PCDHGA8: variants seen among roughly 807,000 people sequenced by gnomAD.
PCDHGA8 encodes protocadherin gamma subfamily A, 8, also known as protocadherin gamma-A8.
In PCDHGA8, 45 loss-of-function variants were observed where a neutral mutation model predicts 59.2. That is an observed-to-expected ratio of 0.76 (90% confidence interval 0.60 to 0.98). The LOEUF (loss-of-function observed/expected upper bound fraction) is 0.98. PCDHGA8 is among the 50% of genes least tolerant of loss of function. The pLI, the probability that PCDHGA8 is intolerant of heterozygous loss-of-function variation, is 0.00. For synonymous variants in PCDHGA8, 531 were observed against 519.0 expected (o/e 1.02, Z -0.32); for missense variants, 1,257 against 1,196.2 (o/e 1.05, Z -0.75).
rs1210429084 is a variant in PCDHGA8 at position 141,487,045 on chromosome 5, T to C, written c.2425-7762T>C. 2 of 1,614,088 alleles carry C rather than the reference T, an allele frequency of 1.2e-6. No individual in the cohort carries two copies. Among genetic ancestry groups the C allele is most frequent in the Non-Finnish European group, 1.7e-6 (2 of 1,180,036 alleles). On this transcript the variant is annotated intron_variant, in intron 1 of 3. Coordinates refer to ENST00000398604, the MANE Select transcript of PCDHGA8 (RefSeq NM_032088.2). This position sits in a 1 kb window ranked among gnomAD's most constrained non-coding sequence, Gnocchi z 5.0. ...CCAGCCTGTTTGCAGTCTCTCGATA[T>C]GCTGGGGAGGTGCGGACGGCTGTTC...
intron 3 of PCDHGA8, among the ~76,000 whole-genome samples, chr5:141,510,511 T>C (rs2099881465): frequency 6.6e-6 from 1 of 152,142 alleles, no homozygotes; most frequent in Non-Finnish European, 1.5e-5. Context: ...TGAGAGCCCG[T>C]GTCACAGCCC....
At chr5:141,453,087 T>G (rs2098755775) in intron 1 of PCDHGA8, among the ~76,000 whole-genome samples, 1 of 152,150 alleles carries the variant, frequency 6.6e-6, no homozygotes, top group Non-Finnish European at 1.5e-5. Context: ...TTGATTAGTA[T>G]ATTTTCTGTT....
Position 141,393,093 on chromosome 5 carries a change from G to T in PCDHGA8, c.280G>T (p.Glu94Ter). The change falls in exon 1 of 4, where the codon GAG becomes TAG. Residue 94 changes from glutamate to a stop codon, truncating the protein, a stop_gained. Transcript: ENST00000398604. LOFTEE classifies it high-confidence loss of function. ...CACCGCGGGCAGGATAGATCGGGAG[G>T]AGCTCTGCGCTCAGAGCCCGCGGTG... ...LITAGRIDRE[E>*]LCAQSPRCLI... is the part of the protein sequence containing the mutation. 4 of 1,613,620 alleles carry T rather than the reference G, an allele frequency of 2.5e-6. No homozygotes were observed. Among genetic ancestry groups the T allele is most frequent in the Non-Finnish European group, 3.4e-6 (4 of 1,179,906 alleles).
rs752402965 is a variant in PCDHGA8, at chr5:141,491,400, C to G, written c.2425-3407C>G. The G allele has an allele frequency of 2.7e-5, 44 of 1,613,990 alleles. No individual in the cohort carries two copies. The highest frequency in any genetic ancestry group is 3.5e-5 in the Non-Finnish European group (41 of 1,179,996). On this transcript the variant is annotated intron_variant, in intron 1 of 3. Coordinates refer to ENST00000398604, the MANE Select transcript of PCDHGA8 (RefSeq NM_032088.2). The surrounding 1 kb of genome is among the most constrained non-coding windows in gnomAD (Gnocchi z 6.9). ...TGTCAGCGAAGTGCCTTCAGGGAAA[C>G]GCAGACGGGGACGGGGGTGGAGGGC... is the stretch of plus-strand genomic sequence containing the variant.
chr5:141,429,534 A>G (rs1036595279), intron 1 of PCDHGA8, among the ~76,000 whole-genome samples: 1 of 152,222 alleles, frequency 6.6e-6, no homozygotes. Context: ...GCTTAAAAAA[A>G]TAAGAACATG....
In PCDHGA8 at chr5:141,394,176, G is replaced by A; in HGVS notation, c.1363G>A (p.Ala455Thr). Reference sequence around the variant, plus strand: ...CGACAACCCTCCTACTTTCCCTCATGCCTCCTACTCAGCGTATATCCTAGA... The same window carrying A: ...CGACAACCCTCCTACTTTCCCTCATACCTCCTACTCAGCGTATATCCTAGA... ...INDNPPTFPH[A>T]SYSAYILENN... The change falls in exon 1 of 4, where the codon GCC becomes ACC. Residue 455 changes from alanine (A) to threonine (T), a missense_variant. Physicochemically the swap from Ala to Thr is moderately conservative, Grantham distance 58. Transcript: ENST00000398604. 6.2e-7 allele frequency: 1 copy of A among 1,613,790 alleles called. No individual in the cohort carries two copies. The highest frequency in any genetic ancestry group is 8.5e-7 in the Non-Finnish European group (1 of 1,179,830).
chr5:141,438,789 G>C (rs970735448), intron 1 of PCDHGA8, among the ~76,000 whole-genome samples: 23 of 149,578 alleles, frequency 1.5e-4, no homozygotes, highest in African/African-American at 5.4e-4. Flanking sequence ...AGCCTCTCCA[G>C]TAGCTGGGAT....
chr5:141,494,021 G>C (rs1036188621), intron 1 of PCDHGA8, among the ~76,000 whole-genome samples: 2 of 152,158 alleles, frequency 1.3e-5, no homozygotes, highest in African/African-American at 2.4e-5. Context: ...CCCCTTGGGA[G>C]CCCTGGAGAC....
At position 141,431,496 on chromosome 5, in the gene PCDHGA8, A is replaced by C. The variant is rs1223687647; in HGVS notation, c.2424+36259A>C. On this transcript the variant is annotated intron_variant, in intron 1 of 3. Coordinates refer to ENST00000398604, the MANE Select transcript of PCDHGA8 (RefSeq NM_032088.2). This position sits in a 1 kb window ranked among gnomAD's most constrained non-coding sequence, Gnocchi z 4.8. ...AACGCACCAGCGTTTGCTCAGCCCGAGTACCGCGCGAGCGTTCCGGAGAAT... is the reference window on the plus strand; with the variant it reads ...AACGCACCAGCGTTTGCTCAGCCCGCGTACCGCGCGAGCGTTCCGGAGAAT... 5 of 1,614,020 alleles carry C rather than the reference A, an allele frequency of 3.1e-6. No individual in the cohort carries two copies. The South Asian group carries it at 4.4e-5, about 14-fold the overall frequency.
chr5:141,406,796 T>C (rs1010773625), intron 1 of PCDHGA8, among the ~76,000 whole-genome samples: 7 of 152,362 alleles, frequency 4.6e-5, no homozygotes, highest in Admixed American at 1.3e-4. Flanking sequence ...TATTTCTGGC[T>C]CAATTCTCCA....
Position 141,476,977 on chromosome 5 carries a change from C to A in PCDHGA8, c.2425-17830C>A, listed in dbSNP as rs141692339. On this transcript the variant is annotated intron_variant, in intron 1 of 3. Coordinates refer to ENST00000398604, the MANE Select transcript of PCDHGA8 (RefSeq NM_032088.2). The surrounding 1 kb of genome is among the most constrained non-coding windows in gnomAD (Gnocchi z 7.6). The stretch of plus-strand genomic sequence containing the variant: ...TTATTTACTCCTTCGGCAGCCACAA[C>A]CGCGCCGGCGTGCGGCAACTATTCG... 6.2e-7 allele frequency: 1 copy of A among 1,614,232 alleles called. No individual in the cohort carries two copies. The highest frequency in any genetic ancestry group is 8.5e-7 in the Non-Finnish European group (1 of 1,180,040).
rs2099705703 is a variant in PCDHGA8, at chr5:141,490,886, C to A, written c.2425-3921C>A. On this transcript the variant is annotated intron_variant, in intron 1 of 3. Transcript: ENST00000398604. This position sits in a 1 kb window ranked among gnomAD's most constrained non-coding sequence, Gnocchi z 5.4. The stretch of plus-strand genomic sequence containing the variant: ...TCTCCCCCATTGCATGCCAACACAT[C>A]TCTGCATGTGTTTGTCCTAGACGAG... The A allele has an allele frequency of 6.2e-7, 1 of 1,613,406 alleles. No homozygotes were observed. Among genetic ancestry groups the A allele is most frequent in the East Asian group, 2.2e-5 (1 of 44,878 alleles).
chr5:141,392,665 T>C lies in PCDHGA8; in HGVS notation c.-149T>C, dbSNP rs1169450587. 3 of 818,380 alleles carry C rather than the reference T, an allele frequency of 3.7e-6. No individual in the cohort carries two copies. The highest frequency in any genetic ancestry group is 5.4e-6 in the Non-Finnish European group (3 of 550,838). The allele number at this position is 818,380 out of a possible 1,614,324, so 50.7% of individuals were successfully genotyped here. Reference sequence around the variant, plus strand: ...ACGAAGACCCGCAGATGCCACAAACTAACTGCTGGACTGCAGCGAAACCCG... The same window carrying C: ...ACGAAGACCCGCAGATGCCACAAACCAACTGCTGGACTGCAGCGAAACCCG... On this transcript the variant is annotated 5_prime_UTR_variant, in exon 1 of 4. Coordinates refer to ENST00000398604, the MANE Select transcript of PCDHGA8 (RefSeq NM_032088.2).
At chr5:141,407,963 G>T (rs2095010709) in intron 1 of PCDHGA8, 1 of 681,746 alleles carries the variant, frequency 1.5e-6, no homozygotes, top group Admixed American at 3.5e-5. Context: ...TGCAGAGCAA[G>T]CGCTGACGCC....
At chr5:141,445,169 T>C (rs2098458681) in intron 1 of PCDHGA8, among the ~76,000 whole-genome samples, 3 of 152,320 alleles carry the variant, frequency 2.0e-5, no homozygotes, top group Non-Finnish European at 1.5e-5. Flanking sequence ...TACAGAAAAA[T>C]GAAAAACTAT....
intron 1 of PCDHGA8, among the ~76,000 whole-genome samples, chr5:141,433,940 T>C (rs1315031506): frequency 6.6e-6 from 1 of 152,192 alleles, no homozygotes; most frequent in African/African-American, 2.4e-5. Flanking sequence ...TATAATTCCA[T>C]TGTTTCTTCT....
At chr5:141,451,151 A>AT (rs1324071351) in intron 1 of PCDHGA8, among the ~76,000 whole-genome samples, 2 of 152,190 alleles carry the variant, frequency 1.3e-5, no homozygotes, top group Admixed American at 6.5e-5. Context: ...TAGACTAGAC[A>AT]TTTTTTTGGT....
At chr5:141,445,471 T>A (rs533909401) in intron 1 of PCDHGA8, among the ~76,000 whole-genome samples, 17 of 152,204 alleles carry the variant, frequency 1.1e-4, no homozygotes, top group Non-Finnish European at 2.4e-4. Context: ...AAGGCATATA[T>A]GATTCCTGAG....
chr5:141,480,607 C>T (rs2099522175), intron 1 of PCDHGA8, among the ~76,000 whole-genome samples: 1 of 145,670 alleles, frequency 6.9e-6, no homozygotes, highest in Admixed American at 6.8e-5. Context: ...GCCTGGAAAG[C>T]AACTGGCATT....
Sources: gnomAD v4.1 joint callset for allele counts (sites outside exome capture counted in the v4.1 genomes callset) on GRCh38, gnomAD v4.1.1 for gene constraint, Gnocchi (gnomAD v3.1) non-coding constraint, MANE v1.5 for transcripts, NCBI Gene and HGNC (gene_info 2026-07-23, HGNC 2026-07-21) for gene names.